LRRC63: variants seen among roughly 807,000 people sequenced by gnomAD.
LRRC63 encodes leucine-rich repeat-containing protein 63.
A neutral mutation model predicts 49.5 loss-of-function variants in LRRC63; 40 were observed. That is an observed-to-expected ratio of 0.81 (90% CI 0.63 to 1.05). The LOEUF (loss-of-function observed/expected upper bound fraction) is 1.05, where lower values mean the gene tolerates loss of function less well. Among genes scored for constraint, LRRC63 ranks in the 50% least tolerant of loss-of-function variants. The pLI is 0.00. For synonymous variants in LRRC63, 191 were observed against 221.1 expected, an observed-to-expected ratio of 0.86 and a Z score of 1.21; for missense variants, 636 against 663.1, an observed-to-expected ratio of 0.96 and a Z score of 0.45.
chr13:46,219,731 C>T (rs895099972), intron 2 of LRRC63, among the ~76,000 whole-genome samples: 4 of 152,266 alleles, frequency 2.6e-5, no homozygotes, highest in Middle Eastern at 3.4e-3. Flanking sequence ...TCCTCATCTT[C>T]GTGGATTTAT....
chr13:46,216,538 A>G (rs1447635813), intron 2 of LRRC63, among the ~76,000 whole-genome samples: 1 of 152,192 alleles, frequency 6.6e-6, no homozygotes, highest in African/African-American at 2.4e-5. Flanking sequence ...GGGATTTTCT[A>G]AAAATACAAT....
intron 5 of LRRC63, among the ~76,000 whole-genome samples, chr13:46,240,979 A>G (rs1365672280): frequency 1.3e-5 from 2 of 152,176 alleles, no homozygotes; most frequent in Non-Finnish European, 2.9e-5. Context: ...AACTAGAAAA[A>G]ACTATTATAA....
chr13:46,224,345 T>C (rs926188656), intron 2 of LRRC63, among the ~76,000 whole-genome samples: 2 of 152,148 alleles, frequency 1.3e-5, no homozygotes, highest in Admixed American at 1.3e-4. Flanking sequence ...TAGTCTATTA[T>C]TGGAGCTTTC....
At chr13:46,213,446 G>GCTA (rs2046153555) in intron 2 of LRRC63, among the ~76,000 whole-genome samples, 1 of 152,194 alleles carries the variant, frequency 6.6e-6, no homozygotes, top group Admixed American at 6.5e-5. Flanking sequence ...GTGGAACAAG[G>GCTA]CTACCTCTAC....
intron 5 of LRRC63, among the ~76,000 whole-genome samples, chr13:46,234,579 G>A (rs532099113): frequency 6.6e-6 from 1 of 152,126 alleles, no homozygotes; most frequent in South Asian, 2.1e-4. Flanking sequence ...TTATTACTTA[G>A]CATAAGAGAA....
intron 9 of LRRC63, among the ~76,000 whole-genome samples, chr13:46,273,757 CAA>C (rs1325603501): frequency 6.6e-6 from 1 of 151,334 alleles, no homozygotes; most frequent in Non-Finnish European, 1.5e-5. Context: ...ACTAAAATTA[CAA>C]AAGTTAGCTG....
intron 7 of LRRC63, among the ~76,000 whole-genome samples, chr13:46,250,993 A>G (rs1386086853): frequency 6.6e-6 from 1 of 151,946 alleles, no homozygotes; most frequent in Non-Finnish European, 1.5e-5. Context: ...ATATTTGGAC[A>G]TAAAAGAGAT....
At chr13:46,255,597 A>G (rs971871882) in intron 7 of LRRC63, among the ~76,000 whole-genome samples, 5 of 148,652 alleles carry the variant, frequency 3.4e-5, no homozygotes, top group Non-Finnish European at 5.9e-5. Flanking sequence ...GAGCCTGGGA[A>G]GTTGAGGCTG....
intron 7 of LRRC63, among the ~76,000 whole-genome samples, chr13:46,254,623 A>G (rs960077439): frequency 3.3e-5 from 5 of 152,248 alleles, no homozygotes; most frequent in Non-Finnish European, 5.9e-5. Context: ...ATAACTTCAG[A>G]TAATCTTTGA....
intron 5 of LRRC63, among the ~76,000 whole-genome samples, chr13:46,234,610 A>G (rs1161197748): frequency 1.3e-5 from 2 of 152,162 alleles, no homozygotes; most frequent in South Asian, 2.1e-4. Flanking sequence ...GATTTATTGT[A>G]TTTTTAAGTT....
chr13:46,244,082 GAATA>G (rs1398076373), intron 5 of LRRC63, among the ~76,000 whole-genome samples: 1 of 152,052 alleles, frequency 6.6e-6, no homozygotes, highest in Non-Finnish European at 1.5e-5. Context: ...AATAATCAGT[GAATA>G]TAAAGGACCT....
intron 2 of LRRC63, among the ~76,000 whole-genome samples, chr13:46,226,113 A>G (rs1050258826): frequency 6.6e-6 from 1 of 151,954 alleles, no homozygotes; most frequent in Non-Finnish European, 1.5e-5. Flanking sequence ...CCTTCTGAGT[A>G]TCTGGGAGTA....
At chr13:46,228,987 A>G (rs928501309) in intron 4 of LRRC63, among the ~76,000 whole-genome samples, 8 of 152,234 alleles carry the variant, frequency 5.3e-5, no homozygotes, top group Non-Finnish European at 2.9e-5. Flanking sequence ...ACAGGCATAC[A>G]GAAATATGAA....
chr13:46,227,949 C>T (rs1339091735), exon 3 of LRRC63: 1 of 1,550,650 alleles, frequency 6.4e-7, no homozygotes, highest in Non-Finnish European at 8.7e-7. Context: ...TGAGAAAATG[C>T]ACCCTAAGCA....
chr13:46,261,509 C>T (rs1416451507), intron 7 of LRRC63, among the ~76,000 whole-genome samples: 1 of 152,130 alleles, frequency 6.6e-6, no homozygotes, highest in African/African-American at 2.4e-5. Context: ...TCCCTCAGAG[C>T]CTATGAAGGG....
Position 46,228,738 on chromosome 13 carries a change from A to G in LRRC63, c.832+5A>G, listed in dbSNP as rs774794268. On this transcript the variant is annotated splice_donor_5th_base_variant and intron_variant, in intron 4 of 9. Transcript: ENST00000595396. ...TCCCACCAAGACCACCTGAAGGTAA[A>G]TGCTAGATTTATACAATTCTTTTAG... The G allele has an allele frequency of 3.0e-4, 451 of 1,513,320 alleles. No individual in the cohort carries two copies. The highest frequency in any genetic ancestry group is 3.9e-4 in the Non-Finnish European group (430 of 1,114,626). The allele number at this position is 1,513,320 out of a possible 1,614,324, so 93.7% of individuals were successfully genotyped here. A position where few individuals can be genotyped will look rare whatever the true frequency, so the allele number is the denominator to read the frequency against.
intron 2 of LRRC63, among the ~76,000 whole-genome samples, chr13:46,226,204 G>A (rs2046571840): frequency 6.6e-6 from 1 of 151,658 alleles, no homozygotes; most frequent in Admixed American, 6.6e-5. Flanking sequence ...GGCTGGTCTT[G>A]AACTCCTGGC....
In LRRC63 at chr13:46,269,627, G is replaced by C. The variant is rs550421282; in HGVS notation, c.1550+2655G>C. 4.0e-5 allele frequency among the ~76,000 whole-genome samples: 6 copies of C among 151,800 alleles called. No homozygotes were observed. In the East Asian group the frequency reaches 9.6e-4, roughly 24 times the overall value. Reference sequence around the variant, plus strand: ...TCTCTGTATGACTTCATGGTAGGCAGACATATCTTAACTGCAAAGCAAAAA... The same window carrying C: ...TCTCTGTATGACTTCATGGTAGGCACACATATCTTAACTGCAAAGCAAAAA... On this transcript the variant is annotated intron_variant, in intron 9 of 9. Coordinates refer to ENST00000595396, the Ensembl canonical transcript of LRRC63.
intron 5 of LRRC63, among the ~76,000 whole-genome samples, chr13:46,243,841 C>T (rs2047136081): frequency 6.6e-6 from 1 of 152,172 alleles, no homozygotes; most frequent in Non-Finnish European, 1.5e-5. Flanking sequence ...GACTGTGTTT[C>T]TAGCAACTAT....
Sources: allele counts gnomAD v4.1 joint callset (sites outside exome capture counted in the v4.1 genomes callset), GRCh38; gene constraint gnomAD v4.1.1; transcripts MANE v1.5; gene names NCBI Gene and HGNC (gene_info 2026-07-23, HGNC 2026-07-21).